The following TOM1 variants were observed in gnomAD, a reference collection of about 807,000 sequenced individuals.
TOM1 encodes the protein target of Myb protein 1.
Under a neutral mutation model 61.3 loss-of-function variants are expected in TOM1, and 38 were observed. That is an observed-to-expected ratio of 0.62 (90% CI 0.48 to 0.81). The LOEUF (loss-of-function observed/expected upper bound fraction) is 0.81, where lower values mean the gene tolerates loss of function less well. Ranked by LOEUF, TOM1 falls within the 40% of genes least tolerant of loss-of-function variation. TOM1 has a pLI of 0.00. For synonymous variants in TOM1, 270 were observed against 268.8 expected (o/e 1.00, Z -0.04); for missense variants, 591 against 659.6 (o/e 0.90, Z 1.14).
At chr22:35,312,722 C>T (rs1247720649) in intron 1 of TOM1, among the ~76,000 whole-genome samples, 1 of 152,154 alleles carries the variant, frequency 6.6e-6, no homozygotes, top group East Asian at 1.9e-4. Flanking sequence ...ATGAGCCTGA[C>T]TGAATGAGGA....
At chr22:35,335,905 T>A (rs1360421501) in intron 11 of TOM1, 1 of 153,424 alleles carries the variant, frequency 6.5e-6, no homozygotes, top group Non-Finnish European at 1.5e-5. Flanking sequence ...AGGAACAGCA[T>A]GTGCAAAGTC....
intron 3 of TOM1, chr22:35,322,728 C>T: frequency 2.8e-6 from 1 of 360,760 alleles, no homozygotes; most frequent in South Asian, 4.4e-5. Context: ...AGCCCCTTCT[C>T]TCTAGACCAT....
intron 1 of TOM1, among the ~76,000 whole-genome samples, chr22:35,317,580 C>T (rs767696347): frequency 1.3e-5 from 2 of 152,194 alleles, no homozygotes; most frequent in Non-Finnish European, 2.9e-5. Context: ...AATAAGCACA[C>T]GGAGGCCCAC....
intron 13 of TOM1, 137 bp from the exon 14 acceptor site, chr22:35,346,793 G>C (rs1244555385): frequency 3.9e-6 from 3 of 775,990 alleles, no homozygotes; most frequent in Non-Finnish European, 6.2e-6. Flanking sequence ...CTGGGACCTG[G>C]GTGGTGGGGG....
At chr22:35,328,547 G>T (rs1928539835) in intron 7 of TOM1, among the ~76,000 whole-genome samples, 1 of 152,226 alleles carries the variant, frequency 6.6e-6, no homozygotes, top group African/African-American at 2.4e-5. Context: ...CCGGGGGCCT[G>T]GCTCCAAGTG....
chr22:35,318,871 G>T (rs543916790), intron 2 of TOM1, among the ~76,000 whole-genome samples: 1 of 152,220 alleles, frequency 6.6e-6, no homozygotes, highest in South Asian at 2.1e-4. Flanking sequence ...CAGCTCTCCC[G>T]CGGCCAGTGC....
chr22:35,302,214 C>T (rs898479180), intron 1 of TOM1, among the ~76,000 whole-genome samples: 1 of 151,796 alleles, frequency 6.6e-6, no homozygotes, highest in Non-Finnish European at 1.5e-5. Flanking sequence ...ATCAGAATTC[C>T]TAGGAGGGCT....
At chr22:35,344,936 A>G (rs987803824) in intron 12 of TOM1, 29 of 152,242 alleles carry the variant, frequency 1.9e-4, no homozygotes, top group African/African-American at 7.0e-4. Context: ...AAGTTAAGTA[A>G]CCCACTCAGA....
At position 35,313,344 on chromosome 22, in the gene TOM1, CA is replaced by C. The variant is rs911758207; in HGVS notation, c.53-4521del. Among the ~76,000 whole-genome samples, 739 of 137,934 alleles carry C rather than the reference CA, an allele frequency of 5.4e-3. 6 individuals are homozygous for C. The highest frequency in any genetic ancestry group is 0.014 in the African/African-American group (532 of 37,882). 90.5% of individuals were successfully genotyped at this position (137,934 alleles called of 152,430 possible). A position where few individuals can be genotyped will look rare whatever the true frequency, so the allele number is the denominator to read the frequency against. On this transcript the variant is annotated intron_variant, in intron 1 of 14. Coordinates refer to ENST00000449058, the MANE Select transcript of TOM1 (RefSeq NM_005488.3). ...CCTGGGTGACAGAACGAGACTGTCT[CA>C]AAAAAAAAAAAGAAAGAAAGGGGTG...
rs770939397 is a variant in TOM1, at chr22:35,347,173, C to G, written c.1443C>G (p.Thr481=). 44 of 1,612,566 alleles carry G rather than the reference C, an allele frequency of 2.7e-5. No homozygotes were observed. The highest frequency in any genetic ancestry group is 3.6e-5 in the Non-Finnish European group (43 of 1,179,446). Residue 481 remains threonine, a synonymous_variant, in exon 15 of 15, where the codon ACC becomes ACG. Transcript: ENST00000449058. ...CTGGCCCAGCGCCCCGGAAGAAGAC[C>G]CAGGAGAAAGATGATGACATGCTGT... The part of the protein sequence containing the change: ...PPSGPAPRKK[T]QEKDDDMLFA...
chr22:35,299,812 G>GGCCCCCCCCCCCCCCCCCCCCCC, upstream of TOM1: 1 of 1,233,290 alleles, frequency 8.1e-7, no homozygotes. Context: ...GCTTCGCGGT[G>GGCCCCCCCCCCCCCCCCCCCCCC]CCACCGCCCC....
intron 12 of TOM1, among the ~76,000 whole-genome samples, chr22:35,343,484 C>T (rs1374383762): frequency 6.9e-6 from 1 of 145,012 alleles, no homozygotes; most frequent in Non-Finnish European, 1.5e-5. Context: ...CTACACACAC[C>T]CCTACACACA....
At chr22:35,331,152 G>C in intron 8 of TOM1, 1 of 296,210 alleles carries the variant, frequency 3.4e-6, no homozygotes. Context: ...CTGGAGTATA[G>C]TGGCATGATC....
intron 1 of TOM1, among the ~76,000 whole-genome samples, chr22:35,317,180 A>T (rs143287048): frequency 3.9e-4 from 59 of 152,236 alleles, no homozygotes; most frequent in Non-Finnish European, 7.4e-4. Context: ...TCAAAAGATA[A>T]TTCTTTTTTG....
chr22:35,314,317 T>A (rs1040006004), intron 1 of TOM1, among the ~76,000 whole-genome samples: 1 of 152,136 alleles, frequency 6.6e-6, no homozygotes, highest in Non-Finnish European at 1.5e-5. Flanking sequence ...CTTTCTCGTT[T>A]AGGCCACATA....
At chr22:35,305,827 C>T (rs1319742432) in intron 1 of TOM1, among the ~76,000 whole-genome samples, 1 of 152,164 alleles carries the variant, frequency 6.6e-6, no homozygotes, top group Non-Finnish European at 1.5e-5. Flanking sequence ...CAGTAGTGAG[C>T]TCCCCACCAC....
intron 8 of TOM1, 91 bp from the exon 9 acceptor site, chr22:35,332,890 T>C: frequency 7.6e-7 from 1 of 1,318,644 alleles, no homozygotes; most frequent in Non-Finnish European, 1.1e-6. Context: ...CGTGTTGATG[T>C]TGAGACCCAC....
At chr22:35,340,127 G>C (rs942646214) in intron 12 of TOM1, among the ~76,000 whole-genome samples, 1 of 152,210 alleles carries the variant, frequency 6.6e-6, no homozygotes, top group Non-Finnish European at 1.5e-5. Context: ...GAGAATTTCT[G>C]CTCCAGCAAG....
chr22:35,339,776 C>A (rs1317517164), intron 12 of TOM1, among the ~76,000 whole-genome samples: 1 of 151,204 alleles, frequency 6.6e-6, no homozygotes, highest in Admixed American at 6.6e-5. Flanking sequence ...TGGTGGCGGG[C>A]GCCTGTAGTC....
Sources: allele counts gnomAD v4.1 joint callset (sites outside exome capture counted in the v4.1 genomes callset), GRCh38; gene constraint gnomAD v4.1.1; transcripts MANE v1.5; gene names NCBI Gene and HGNC (gene_info 2026-07-23, HGNC 2026-07-21).